Variants in TANGO6 observed in about 807,000 individuals in gnomAD.
TANGO6 encodes transport and golgi organization 6 homolog.
A neutral mutation model predicts 114.2 loss-of-function variants in TANGO6; 90 were observed. The ratio of observed to expected loss-of-function variants is 0.79; its 90% CI spans 0.66 to 0.94. The LOEUF (loss-of-function observed/expected upper bound fraction) is 0.94, where lower values mean the gene tolerates loss of function less well. Among genes scored for constraint, TANGO6 ranks in the 40% least tolerant of loss-of-function variants. The probability of loss-of-function intolerance (pLI) is 0.00; values close to 1 mark genes in which losing one functional copy is unlikely to be tolerated. For missense variants in TANGO6, 1,274 were observed against 1,315.3 expected, an observed-to-expected ratio of 0.97 and a Z score of 0.49; for synonymous variants, 477 against 509.8, an observed-to-expected ratio of 0.94 and a Z score of 0.87.
chr16:68,910,028 C>T (rs1962901863), intron 11 of TANGO6, among the ~76,000 whole-genome samples: 1 of 152,124 alleles, frequency 6.6e-6, no homozygotes, highest in African/African-American at 2.4e-5. Context: ...TTATTTTTCC[C>T]ACCTTTAAAA....
intron 2 of TANGO6, among the ~76,000 whole-genome samples, chr16:68,861,501 T>C (rs1193770681): frequency 6.6e-6 from 1 of 152,180 alleles, no homozygotes; most frequent in African/African-American, 2.4e-5. Context: ...TGCGTCCTCC[T>C]TCCGGCAGGG....
intron 1 of TANGO6, among the ~76,000 whole-genome samples, chr16:68,857,040 C>T (rs530921066): frequency 1.6e-4 from 24 of 152,296 alleles, no homozygotes; most frequent in Admixed American, 1.3e-3. Flanking sequence ...ACCCAGGAGG[C>T]GGAGTTTGCA....
intron 17 of TANGO6, among the ~76,000 whole-genome samples, chr16:69,072,391 C>T (rs920720450): frequency 2.6e-5 from 4 of 152,048 alleles, no homozygotes; most frequent in Admixed American, 2.6e-4. Flanking sequence ...AGTCCTTGGG[C>T]CTGATACAGT....
chr16:68,943,600 C>T (rs908823205), intron 14 of TANGO6, among the ~76,000 whole-genome samples: 6 of 151,784 alleles, frequency 4.0e-5, no homozygotes, highest in African/African-American at 4.8e-5. Flanking sequence ...CTCCTTACCT[C>T]GTGATCTGCC....
chr16:68,861,493 C>T (rs1452255841), intron 2 of TANGO6, among the ~76,000 whole-genome samples: 5 of 152,278 alleles, frequency 3.3e-5, no homozygotes, highest in Middle Eastern at 3.4e-3. Context: ...GAGCAGAGTG[C>T]GTCCTCCTTC....
chr16:68,987,546 T>TTTAGTAGAGACAGTG (rs1341446614), intron 15 of TANGO6, among the ~76,000 whole-genome samples: 1 of 152,192 alleles, frequency 6.6e-6, no homozygotes. Flanking sequence ...CTTTTGCATT[T>TTTAGTAGAGACAGTG]TTAGTAGAGA....
chr16:68,912,508 G>A (rs1962937571), intron 11 of TANGO6, among the ~76,000 whole-genome samples: 1 of 152,048 alleles, frequency 6.6e-6, no homozygotes, highest in African/African-American at 2.4e-5. Flanking sequence ...TGTGGCACGT[G>A]CCTATAATCC....
intron 4 of TANGO6, among the ~76,000 whole-genome samples, chr16:68,873,395 C>G (rs775918723): frequency 2.6e-5 from 4 of 152,126 alleles, no homozygotes; most frequent in Non-Finnish European, 5.9e-5. Flanking sequence ...CTTACTGCAA[C>G]CTTCTTCTGC....
In TANGO6 at chr16:69,056,921, C is replaced by G. The variant is rs553392571; in HGVS notation, c.3108+16500C>G. On this transcript the variant is annotated intron_variant, in intron 17 of 17. Transcript: ENST00000261778. ...GGTCTCGATCTCCTGACCTCTTGAT[C>G]CGCCTGCCCAGGCCTCCCAAAGTGC... is the stretch of plus-strand genomic sequence containing the variant. Among the ~76,000 whole-genome samples, 89 of 151,848 alleles carry G rather than the reference C, an allele frequency of 5.9e-4. No homozygotes were observed. The South Asian group carries it at 0.011, about 19-fold the overall frequency.
At chr16:68,983,238 C>T (rs930819726) in intron 15 of TANGO6, among the ~76,000 whole-genome samples, 7 of 152,176 alleles carry the variant, frequency 4.6e-5, no homozygotes, top group African/African-American at 1.7e-4. Context: ...ATGTCCACCT[C>T]TGCCCATAGT....
intron 1 of TANGO6, among the ~76,000 whole-genome samples, chr16:68,856,363 C>G (rs964497943): frequency 6.6e-6 from 1 of 152,162 alleles, no homozygotes; most frequent in Non-Finnish European, 1.5e-5. Flanking sequence ...GGGTTTTCTC[C>G]TTATACTGTT....
At chr16:68,846,920 C>G (rs1309440586) in intron 1 of TANGO6, 4 of 146,144 alleles carry the variant, frequency 2.7e-5, no homozygotes, top group African/African-American at 1.0e-4. Context: ...GGCGGAGTTT[C>G]GCTCTTGTTG....
chr16:68,919,324 A>G, intron 12 of TANGO6, 105 bp downstream of exon 12: 1 of 1,386,530 alleles, frequency 7.2e-7, no homozygotes, highest in Non-Finnish European at 9.7e-7. Flanking sequence ...GATATTGTAC[A>G]TAGGAGAACC....
At chr16:69,079,633 A>G (rs1960437745) in intron 17 of TANGO6, among the ~76,000 whole-genome samples, 1 of 152,172 alleles carries the variant, frequency 6.6e-6, no homozygotes. Flanking sequence ...ACATACCAGA[A>G]AAAAATACAA....
intron 15 of TANGO6, among the ~76,000 whole-genome samples, chr16:68,993,067 C>CAA (rs569951475): frequency 4.4e-5 from 6 of 134,948 alleles, no homozygotes; most frequent in African/African-American, 1.6e-4. Context: ...GACTCTGTCT[C>CAA]AAAAAAAAAA....
intron 7 of TANGO6, among the ~76,000 whole-genome samples, chr16:68,884,088 T>G (rs1274958288): frequency 6.6e-6 from 1 of 152,076 alleles, no homozygotes; most frequent in Non-Finnish European, 1.5e-5. Context: ...TTTTGTATTT[T>G]TTGTAGAGAC....
chr16:68,902,410 G>C lies in TANGO6; in HGVS notation c.1573G>C (p.Gly525Arg). The stretch of plus-strand genomic sequence containing the variant: ...AATTGCCAGCCTGAAAGGATTTGCA[G>C]GGTTGGACAAAGCTGTGCCCTCTCT... ...KAIASLKGFAGLDKAVPSLHS... is the reference protein window; with the variant it reads ...KAIASLKGFARLDKAVPSLHS... The change falls in exon 9 of 18, where the codon GGG becomes CGG. Residue 525 changes from glycine (G) to arginine (R), a missense_variant. This residue lies in a region of TANGO6 where 908 missense variants were observed against 910.2 expected (regional missense o/e 1.00). Transcript: ENST00000261778. 6.2e-7 allele frequency: 1 copy of C among 1,613,890 alleles called. No individual in the cohort carries two copies. Among genetic ancestry groups the C allele is most frequent in the African/African-American group, 1.3e-5 (1 of 75,028 alleles).
At chr16:69,052,648 C>G (rs1959970151) in intron 17 of TANGO6, among the ~76,000 whole-genome samples, 1 of 151,972 alleles carries the variant, frequency 6.6e-6, no homozygotes, top group Admixed American at 6.6e-5. Flanking sequence ...AAAAACTGGC[C>G]TATGTGGGAG....
At chr16:68,897,849 A>G (rs1012761871) in intron 7 of TANGO6, among the ~76,000 whole-genome samples, 2 of 152,078 alleles carry the variant, frequency 1.3e-5, no homozygotes, top group African/African-American at 4.8e-5. Flanking sequence ...AAGTGCTGGG[A>G]TTATAGGTGT....
Sources: gnomAD v4.1 joint callset for allele counts (sites outside exome capture counted in the v4.1 genomes callset) on GRCh38, gnomAD v4.1.1 for gene constraint, gnomAD v4.1.1 regional missense constraint, MANE v1.5 for transcripts, NCBI Gene and HGNC (gene_info 2026-07-23, HGNC 2026-07-21) for gene names.